Variants in ADGRV1 observed in about 807,000 individuals in gnomAD.
ADGRV1 encodes adhesion G protein-coupled receptor V1, also known as G-protein coupled receptor 98.
ADGRV1 carries 359 observed loss-of-function variants against 596.2 expected under a neutral mutation model. The observed-to-expected ratio is 0.60, with a 90% confidence interval of 0.55 to 0.66. The LOEUF (loss-of-function observed/expected upper bound fraction) is 0.66, where lower values mean the gene tolerates loss of function less well. Ranked by LOEUF, ADGRV1 falls within the 30% of genes least tolerant of loss-of-function variation. The pLI, the probability that ADGRV1 is intolerant of heterozygous loss-of-function variation, is 0.00. For synonymous variants in ADGRV1, 2,681 were observed against 2,679.2 expected (o/e 1.00, Z -0.02); for missense variants, 7,274 against 7,575.6 (o/e 0.96, Z 1.48).
At chr5:91,058,117 T>C (rs900271731) in intron 85 of ADGRV1, among the ~76,000 whole-genome samples, 7 of 152,160 alleles carry the variant, frequency 4.6e-5, no homozygotes, top group Non-Finnish European at 1.0e-4. Flanking sequence ...GGAGTCTGAC[T>C]TACGCTGAGA....
At chr5:90,850,291 A>T (rs1338479376) in intron 79 of ADGRV1, among the ~76,000 whole-genome samples, 5 of 152,166 alleles carry the variant, frequency 3.3e-5, no homozygotes, top group Non-Finnish European at 1.5e-5. Flanking sequence ...TTTAATTTTG[A>T]TGAGTGAGTC....
At chr5:90,668,062 TG>T (rs1232715670) in intron 21 of ADGRV1, among the ~76,000 whole-genome samples, 1 of 151,788 alleles carries the variant, frequency 6.6e-6, no homozygotes, top group Non-Finnish European at 1.5e-5. Context: ...GCTGTCTTTT[TG>T]TTTGTCTGTG....
intron 45 of ADGRV1, 56 bp downstream of exon 45, chr5:90,721,115 TA>T: frequency 6.8e-7 from 1 of 1,469,980 alleles, no homozygotes; most frequent in Non-Finnish European, 9.4e-7. Context: ...ATTGCATGTA[TA>T]AGATTTATAT....
At chr5:90,940,402 T>C (rs1256144369) in intron 83 of ADGRV1, among the ~76,000 whole-genome samples, 6 of 152,216 alleles carry the variant, frequency 3.9e-5, no homozygotes, top group Non-Finnish European at 4.4e-5. Context: ...TTATGAATCA[T>C]CCATGATTTT....
At chr5:91,073,484 C>G (rs1788568758) in intron 86 of ADGRV1, among the ~76,000 whole-genome samples, 2 of 152,162 alleles carry the variant, frequency 1.3e-5, no homozygotes, top group South Asian at 4.1e-4. Context: ...GTGTCTAATA[C>G]ATTTTTAGGG....
At chr5:91,008,793 G>C (rs1375975331) in intron 85 of ADGRV1, among the ~76,000 whole-genome samples, 1 of 152,136 alleles carries the variant, frequency 6.6e-6, no homozygotes, top group Non-Finnish European at 1.5e-5. Context: ...TAGCCACCAT[G>C]TCTGGCCTGT....
intron 11 of ADGRV1, among the ~76,000 whole-genome samples, chr5:90,638,487 G>C (rs1435802039): frequency 3.3e-5 from 5 of 150,954 alleles, no homozygotes; most frequent in African/African-American, 1.2e-4. Context: ...AGAATCAACA[G>C]CATTTCTCAG....
chr5:90,685,532 C>A (rs1416700999), intron 28 of ADGRV1, among the ~76,000 whole-genome samples: 1 of 151,798 alleles, frequency 6.6e-6, no homozygotes, highest in Non-Finnish European at 1.5e-5. Flanking sequence ...TTGTGGTGAG[C>A]CAAGATGGCG....
intron 21 of ADGRV1, among the ~76,000 whole-genome samples, chr5:90,662,733 G>A (rs192575093): frequency 5.3e-5 from 8 of 152,006 alleles, no homozygotes; most frequent in Non-Finnish European, 1.5e-5. Context: ...CTAGCATTAG[G>A]TATATCTCCC....
At chr5:91,062,229 T>C (rs1006240472) in intron 85 of ADGRV1, among the ~76,000 whole-genome samples, 7 of 152,230 alleles carry the variant, frequency 4.6e-5, no homozygotes, top group Non-Finnish European at 8.8e-5. Context: ...TTTGCTCCAA[T>C]ATGGCCATTT....
At chr5:90,703,881 G>T (rs773822944) in intron 35 of ADGRV1, 86 bp downstream of exon 35, 2 of 940,904 alleles carry the variant, frequency 2.1e-6, no homozygotes, top group Non-Finnish European at 3.2e-6. Flanking sequence ...CAGCACTATT[G>T]TAGTTATTAT....
chr5:90,986,093 A>ATTTT (rs1780477669), intron 85 of ADGRV1, among the ~76,000 whole-genome samples: 1 of 138,586 alleles, frequency 7.2e-6, no homozygotes, highest in Non-Finnish European at 1.6e-5. Flanking sequence ...TGCATAATAT[A>ATTTT]TATATATATA....
chr5:90,674,109 G>C lies in ADGRV1; in HGVS notation c.4985G>C (p.Arg1662Pro). Residue 1662 changes from arginine to proline, a missense_variant, in exon 23 of 90, where the codon CGT (arginine) becomes CCT (proline). Arg to Pro is a moderately radical substitution (Grantham distance 103). Around this residue, in one of 5 missense-constraint regions of ADGRV1, gnomAD observed 3,643 missense variants for 3,809.2 expected, o/e 0.96. Transcript: ENST00000405460. The part of the protein sequence containing the change: ...DDIPELNEYF[R>P]VTLVSAIPGD... ...ATTCCTGAACTTAATGAGTATTTCCGTGTGACATTGGTTTCTGCAATTCCT... is the reference window on the plus strand; with the variant it reads ...ATTCCTGAACTTAATGAGTATTTCCCTGTGACATTGGTTTCTGCAATTCCT... The C allele has an allele frequency of 6.2e-7, 1 of 1,613,010 alleles. No individual in the cohort carries two copies. The highest frequency in any genetic ancestry group is 2.2e-5 in the East Asian group (1 of 44,852).
In ADGRV1 at chr5:90,807,654, G is replaced by C; in HGVS notation, c.14889G>C (p.Thr4963=). Residue 4963 remains threonine, a synonymous_variant, in exon 73 of 90, where the codon ACG becomes ACC. Coordinates refer to ENST00000405460, the MANE Select transcript of ADGRV1 (RefSeq NM_032119.4). ...GEQRKGVFLW[T]FPSPGWPEAF... is the part of the protein sequence containing the mutation. Reference sequence around the variant, plus strand: ...AAAGGAAAGGAGTTTTCCTGTGGACGTTTCCTAGCCCTGGTTGGCCAGAGG... The same window carrying C: ...AAAGGAAAGGAGTTTTCCTGTGGACCTTTCCTAGCCCTGGTTGGCCAGAGG... 1 of 1,613,014 alleles carries C rather than the reference G, an allele frequency of 6.2e-7. No homozygotes were observed. Among genetic ancestry groups the C allele is most frequent in the South Asian group, 1.1e-5 (1 of 90,956 alleles).
chr5:91,150,612 A>G (rs1795970623), intron 88 of ADGRV1, among the ~76,000 whole-genome samples: 1 of 152,198 alleles, frequency 6.6e-6, no homozygotes, highest in African/African-American at 2.4e-5. Flanking sequence ...TATTTTTCCT[A>G]AAAATACTTT....
intron 89 of ADGRV1, among the ~76,000 whole-genome samples, chr5:91,162,424 C>A (rs562288759): frequency 6.6e-6 from 1 of 152,064 alleles, no homozygotes; most frequent in Non-Finnish European, 1.5e-5. Context: ...ATAAGAACGT[C>A]GTGTGAAAAG....
chr5:90,892,155 C>T (rs553215085), intron 83 of ADGRV1, among the ~76,000 whole-genome samples: 5 of 152,092 alleles, frequency 3.3e-5, no homozygotes, highest in Non-Finnish European at 7.4e-5. Context: ...TTGAAGTGCT[C>T]ACCTCTCTCA....
intron 87 of ADGRV1, among the ~76,000 whole-genome samples, chr5:91,127,155 G>T (rs569414281): frequency 6.6e-6 from 1 of 152,266 alleles, no homozygotes; most frequent in African/African-American, 2.4e-5. Flanking sequence ...TTACCAGTAT[G>T]GGAGTCCATC....
At chr5:90,602,852 G>A (rs1198439323) in intron 1 of ADGRV1, among the ~76,000 whole-genome samples, 1 of 152,214 alleles carries the variant, frequency 6.6e-6, no homozygotes, top group Non-Finnish European at 1.5e-5. Flanking sequence ...AAGCTGGGTG[G>A]TTAAAAGATT....
Sources: gnomAD v4.1 joint callset for allele counts (sites outside exome capture counted in the v4.1 genomes callset) on GRCh38, gnomAD v4.1.1 for gene constraint, gnomAD v4.1.1 regional missense constraint, MANE v1.5 for transcripts, NCBI Gene and HGNC (gene_info 2026-07-23, HGNC 2026-07-21) for gene names.